MAB21L3: variants seen among roughly 807,000 people sequenced by gnomAD.
MAB21L3 encodes the protein protein mab-21-like 3.
A neutral mutation model predicts 37.7 loss-of-function variants in MAB21L3; 36 were observed. That is an observed-to-expected ratio of 0.96 (90% CI 0.73 to 1.26). The LOEUF (loss-of-function observed/expected upper bound fraction) is 1.26. MAB21L3 is among the 50% of genes most tolerant of loss of function. The pLI is 0.00. For synonymous variants in MAB21L3, 186 were observed against 176.8 expected (o/e 1.05, Z -0.41); for missense variants, 430 against 447.3 (o/e 0.96, Z 0.35).
At chr1:116,121,699 C>G (rs183066710) in intron 4 of MAB21L3, among the ~76,000 whole-genome samples, 1 of 152,176 alleles carries the variant, frequency 6.6e-6, no homozygotes, top group African/African-American at 2.4e-5. Context: ...CAGGAGCAGA[C>G]TGGCAACCCC....
intron 7 of MAB21L3, 27 bp downstream of exon 7, chr1:116,128,366 C>T: frequency 6.3e-7 from 1 of 1,583,062 alleles, no homozygotes; most frequent in Non-Finnish European, 8.6e-7. Flanking sequence ...TTGGAGAAGA[C>T]CCAGGGGCAG....
At position 116,137,614 on chromosome 1, in the gene MAB21L3, C is replaced by A. The variant is rs1208828539; in HGVS notation, c.*4249C>A. Among the ~76,000 whole-genome samples, 1 of 150,442 alleles carries A rather than the reference C, an allele frequency of 6.6e-6. No individual in the cohort carries two copies. The highest frequency in any genetic ancestry group is 6.6e-5 in the Admixed American group (1 of 15,188). ...TAGAAATACCATTTGACCCAGCCAT[C>A]CCATTACTGGGTATATACCCAAAGG... On this transcript the variant is annotated 3_prime_UTR_variant, in exon 8 of 8. Coordinates refer to ENST00000369500, the MANE Select transcript of MAB21L3 (RefSeq NM_152367.3).
chr1:116,130,535 C>T (rs550050040), intron 7 of MAB21L3, among the ~76,000 whole-genome samples: 84 of 152,338 alleles, frequency 5.5e-4, no homozygotes, highest in African/African-American at 1.9e-3. Context: ...GTGCTAGACA[C>T]CATCCCAGAT....
intron 7 of MAB21L3, among the ~76,000 whole-genome samples, chr1:116,130,257 T>A (rs1329960219): frequency 6.6e-6 from 1 of 152,234 alleles, no homozygotes; most frequent in Non-Finnish European, 1.5e-5. Flanking sequence ...AGGGCTGACT[T>A]CTATTCTGAT....
In MAB21L3 at chr1:116,130,927, C is replaced by T. The variant is rs368721508; in HGVS notation, c.856-2205C>T. ...TCTCTAACTCATTTATTCATAATAA[C>T]GTAATCTAAATACATAGTTGCTATG... On this transcript the variant is annotated intron_variant, in intron 7 of 7. Transcript: ENST00000369500. 5.3e-5 allele frequency among the ~76,000 whole-genome samples: 8 copies of T among 152,244 alleles called. No homozygotes were observed. The South Asian group carries it at 1.2e-3, about 24-fold the overall frequency.
At position 116,136,022 on chromosome 1, in the gene MAB21L3, T is replaced by A. The variant is rs960478352; in HGVS notation, c.*2657T>A. On this transcript the variant is annotated 3_prime_UTR_variant, in exon 8 of 8. Coordinates refer to ENST00000369500, the MANE Select transcript of MAB21L3 (RefSeq NM_152367.3). Reference sequence around the variant, plus strand: ...TATGACAAACCCACAGGCAATATCATACTGAATGGGCAAAAACTGGAAGCA... The same window carrying A: ...TATGACAAACCCACAGGCAATATCAAACTGAATGGGCAAAAACTGGAAGCA... Among the ~76,000 whole-genome samples the A allele has an allele frequency of 5.3e-5, 8 of 150,248 alleles. No individual in the cohort carries two copies. Among genetic ancestry groups the A allele is most frequent in the Non-Finnish European group, 1.0e-4 (7 of 67,726 alleles).
intron 7 of MAB21L3, among the ~76,000 whole-genome samples, chr1:116,129,022 T>C (rs538057179): frequency 6.6e-6 from 1 of 152,240 alleles, no homozygotes; most frequent in Non-Finnish European, 1.5e-5. Flanking sequence ...CCTGCCCCAG[T>C]ACCTGCTGTG....
At chr1:116,118,994 C>T (rs1476657960) in intron 3 of MAB21L3, among the ~76,000 whole-genome samples, 3 of 152,220 alleles carry the variant, frequency 2.0e-5, no homozygotes, top group Admixed American at 6.5e-5. Context: ...CTATAAACCT[C>T]GTGGCAACAT....
At chr1:116,127,026 G>C (rs1659926779) in intron 5 of MAB21L3, among the ~76,000 whole-genome samples, 6 of 152,210 alleles carry the variant, frequency 3.9e-5, no homozygotes, top group Admixed American at 3.9e-4. Flanking sequence ...TAGGTTCGGT[G>C]TATTAATACA....
At chr1:116,130,750 G>T (rs1660047076) in intron 7 of MAB21L3, among the ~76,000 whole-genome samples, 1 of 152,104 alleles carries the variant, frequency 6.6e-6, no homozygotes, top group Non-Finnish European at 1.5e-5. Flanking sequence ...ATCTTTTATT[G>T]CCTTATTTAT....
chr1:116,120,428 C>CACAG (rs113760206), intron 3 of MAB21L3, among the ~76,000 whole-genome samples: 2,397 of 149,684 alleles, frequency 0.016, 72 homozygotes, highest in African/African-American at 0.053. Context: ...CACACACACA[C>CACAG]ACAAACACAC....
At chr1:116,128,102 G>T (rs375128178) in intron 6 of MAB21L3, 43 bp from the exon 7 acceptor site, 36 of 1,575,858 alleles carry the variant, frequency 2.3e-5, no homozygotes, top group African/African-American at 6.8e-5. Flanking sequence ...ACACCAGTGA[G>T]CATTGTTCTT....
intron 5 of MAB21L3, among the ~76,000 whole-genome samples, chr1:116,127,203 T>C (rs1659932485): frequency 6.6e-6 from 1 of 151,964 alleles, no homozygotes; most frequent in Non-Finnish European, 1.5e-5. Flanking sequence ...TGCCTTGGGG[T>C]TGGGGGAGAA....
At chr1:116,119,075 G>A (rs1007913215) in intron 3 of MAB21L3, among the ~76,000 whole-genome samples, 1 of 152,222 alleles carries the variant, frequency 6.6e-6, no homozygotes, top group African/African-American at 2.4e-5. Context: ...TCACAACACA[G>A]ATGGGAAGTC....
chr1:116,117,573 G>T (rs1278785537), intron 3 of MAB21L3, among the ~76,000 whole-genome samples: 3 of 152,112 alleles, frequency 2.0e-5, no homozygotes, highest in Non-Finnish European at 2.9e-5. Context: ...GGGCTAAGAG[G>T]TGGTGGAGCA....
In MAB21L3 at chr1:116,133,461, G is replaced by C; in HGVS notation, c.*96G>C. 1 of 1,114,466 alleles carries C rather than the reference G, an allele frequency of 9.0e-7. No homozygotes were observed. The highest frequency in any genetic ancestry group is 1.4e-5 in the South Asian group (1 of 70,864). 69.0% of individuals were successfully genotyped at this position (1,114,466 alleles called of 1,614,324 possible). A position where few individuals can be genotyped will look rare whatever the true frequency, so the allele number is the denominator to read the frequency against. Reference sequence around the variant, plus strand: ...AGTCAGGTGCCAGGATCCTGCCTAGGAGAAAGGCCACGAATGGCAGCGGAA... The same window carrying C: ...AGTCAGGTGCCAGGATCCTGCCTAGCAGAAAGGCCACGAATGGCAGCGGAA... On this transcript the variant is annotated 3_prime_UTR_variant, in exon 8 of 8. Transcript: ENST00000369500.
chr1:116,124,087 C>G lies in MAB21L3; in HGVS notation c.211C>G (p.Leu71Val), dbSNP rs1267348944. Reference protein sequence around the residue: ...NIKVLAPSQFLVTVPIKGLAG... With the variant: ...NIKVLAPSQFVVTVPIKGLAG... ...CTAGGTTTTGGCTCCCAGTCAGTTC[C>G]TCGTCACAGTCCCAATAAAAGGCCT... is the stretch of plus-strand genomic sequence containing the variant. Residue 71 changes from leucine to valine, a missense_variant, in exon 5 of 8, where the codon CTC becomes GTC. Leu to Val is a conservative substitution (Grantham distance 32). Coordinates refer to ENST00000369500, the MANE Select transcript of MAB21L3 (RefSeq NM_152367.3). The G allele has an allele frequency of 6.2e-7, 1 of 1,607,854 alleles. No individual in the cohort carries two copies. Among genetic ancestry groups the G allele is most frequent in the Non-Finnish European group, 8.5e-7 (1 of 1,176,020 alleles).
At chr1:116,119,299 A>G (rs1228158555) in intron 3 of MAB21L3, among the ~76,000 whole-genome samples, 1 of 152,212 alleles carries the variant, frequency 6.6e-6, no homozygotes, top group Non-Finnish European at 1.5e-5. Context: ...ATACTTACTG[A>G]TGAACTGACC....
chr1:116,129,688 A>C (rs1660013870), intron 7 of MAB21L3, among the ~76,000 whole-genome samples: 1 of 151,624 alleles, frequency 6.6e-6, no homozygotes, highest in African/African-American at 2.4e-5. Context: ...GGTGAACAAA[A>C]CCCCCATTAT....
Sources: gnomAD v4.1 joint callset for allele counts (sites outside exome capture counted in the v4.1 genomes callset) on GRCh38, gnomAD v4.1.1 for gene constraint, MANE v1.5 for transcripts, NCBI Gene and HGNC (gene_info 2026-07-23, HGNC 2026-07-21) for gene names.